The following SAFB2 variants were observed in gnomAD, a reference collection of about 807,000 sequenced individuals.
SAFB2 encodes scaffold attachment factor B2.
Under a neutral mutation model 100.6 loss-of-function variants are expected in SAFB2, and 32 were observed. The observed-to-expected ratio is 0.32, with a 90% CI of 0.24 to 0.43. The LOEUF is 0.43. Among genes scored for constraint, SAFB2 ranks in the 20% least tolerant of loss-of-function variants. The probability of loss-of-function intolerance (pLI) is 1.00; values close to 1 mark genes in which losing one functional copy is unlikely to be tolerated. For missense variants in SAFB2, 1,185 were observed against 1,163.4 expected (o/e 1.02, Z -0.27); for synonymous variants, 500 against 439.4 (o/e 1.14, Z -1.72).
At chr19:5,592,667 C>A (rs777945875) in intron 16 of SAFB2, 80 bp downstream of exon 16, 75 of 1,530,808 alleles carry the variant, frequency 4.9e-5, no homozygotes, top group Non-Finnish European at 6.6e-5. Flanking sequence ...GGAACCCCTG[C>A]ACTGGGCTGA....
chr19:5,616,720 C>T lies in SAFB2; in HGVS notation c.275-234G>A, dbSNP rs561491929. On this transcript the variant is annotated intron_variant, in intron 2 of 20. Coordinates refer to ENST00000252542, the MANE Select transcript of SAFB2 (RefSeq NM_014649.3). ...AGGCTGGAGTGCAGCGGCACAATCTCGGCTCACTGCAATCTCCACCTCCTG... is the reference window on the plus strand; with the variant it reads ...AGGCTGGAGTGCAGCGGCACAATCTTGGCTCACTGCAATCTCCACCTCCTG... Among the ~76,000 whole-genome samples, 15 of 134,440 alleles carry T rather than the reference C, an allele frequency of 1.1e-4. No individual in the cohort carries two copies. In the South Asian group the frequency reaches 3.5e-3, roughly 31 times the overall value. 88.2% of individuals were successfully genotyped at this position (134,440 alleles called of 152,430 possible).
chr19:5,599,572 T>C (rs1225661578), intron 12 of SAFB2, among the ~76,000 whole-genome samples: 1 of 151,588 alleles, frequency 6.6e-6, no homozygotes, highest in Non-Finnish European at 1.5e-5. Context: ...TTCTCTTCCT[T>C]GATGGGGGAG....
chr19:5,609,715 T>C (rs1215036126), intron 9 of SAFB2, among the ~76,000 whole-genome samples: 6 of 152,236 alleles, frequency 3.9e-5, no homozygotes, highest in Non-Finnish European at 7.3e-5. Context: ...TGTTGTGATA[T>C]GACCAACCAC....
intron 17 of SAFB2, chr19:5,591,309 G>C (rs944910803): frequency 1.9e-5 from 2 of 107,674 alleles, no homozygotes; most frequent in African/African-American, 3.9e-5. Context: ...ACGGAGTCTT[G>C]CTCTTGTTGC....
At chr19:5,588,321 T>C (rs1262050292) in intron 18 of SAFB2, among the ~76,000 whole-genome samples, 2 of 152,020 alleles carry the variant, frequency 1.3e-5, no homozygotes, top group Admixed American at 1.3e-4. Flanking sequence ...TGTAAAATGG[T>C]GTGGCCACTG....
At chr19:5,602,039 C>T (rs1365943870) in intron 11 of SAFB2, among the ~76,000 whole-genome samples, 3 of 152,154 alleles carry the variant, frequency 2.0e-5, no homozygotes, top group Non-Finnish European at 4.4e-5. Context: ...TTCTCTATTT[C>T]ACAAGGCCAA....
In SAFB2 at chr19:5,587,193, C is replaced by T. The variant is rs1368110760; in HGVS notation, c.*50G>A. On this transcript the variant is annotated 3_prime_UTR_variant, in exon 21 of 21. Transcript: ENST00000252542. The surrounding 1 kb of genome is among the most constrained non-coding windows in gnomAD (Gnocchi z 4.9). The stretch of plus-strand genomic sequence containing the variant: ...CCCAAGTTCGAGGGAACCCTGGCTA[C>T]CAGATTCAACAGTGCGTCTGCCCAC... 6.3e-7 allele frequency: 1 copy of T among 1,589,026 alleles called. No homozygotes were observed. Among genetic ancestry groups the T allele is most frequent in the Non-Finnish European group, 8.6e-7 (1 of 1,161,188 alleles).
intron 9 of SAFB2, among the ~76,000 whole-genome samples, chr19:5,607,239 C>T (rs554579406): frequency 2.6e-5 from 4 of 152,094 alleles, no homozygotes; most frequent in South Asian, 2.1e-4. Flanking sequence ...CCAGCCTAGG[C>T]GACAGAGCGA....
At chr19:5,617,934 G>A (rs2053066504) in intron 2 of SAFB2, among the ~76,000 whole-genome samples, 1 of 152,130 alleles carries the variant, frequency 6.6e-6, no homozygotes, top group African/African-American at 2.4e-5. Flanking sequence ...TTGAGCCTAG[G>A]AATTAAGAGA....
rs1208364776 is a variant in SAFB2, at chr19:5,593,947, C to T, written c.2151G>A (p.Glu717=). 6.4e-7 allele frequency: 1 copy of T among 1,555,760 alleles called. No individual in the cohort carries two copies. The highest frequency in any genetic ancestry group is 8.6e-7 in the Non-Finnish European group (1 of 1,159,394). ...GCCGCTCCTGCTCGTAACGCAGCTG[C>T]TCCTGCTGGCGCCGCAGCTCCTCGC... ...REREELRRQQ[E]QLRYEQERRP... is the part of the protein sequence containing the mutation. Residue 717 remains glutamate, a synonymous_variant, in exon 15 of 21, where the codon GAG becomes GAA. Transcript: ENST00000252542.
rs2052872280 is a variant in SAFB2, at chr19:5,609,987, A to G, written c.1296+8T>C. 1 of 1,611,166 alleles carries G rather than the reference A, an allele frequency of 6.2e-7. No individual in the cohort carries two copies. Among genetic ancestry groups the G allele is most frequent in the South Asian group, 1.1e-5 (1 of 90,936 alleles). ...ACAGTGGATGGTATGAGGCAAGGGA[A>G]GGCATACCTTCCCATACTTGCTGAA... On this transcript the variant is annotated splice_region_variant and intron_variant, in intron 9 of 20. Coordinates refer to ENST00000252542, the MANE Select transcript of SAFB2 (RefSeq NM_014649.3).
chr19:5,622,168 C>A (rs1468306068), intron 1 of SAFB2, among the ~76,000 whole-genome samples: 1 of 152,216 alleles, frequency 6.6e-6, no homozygotes, highest in Admixed American at 6.5e-5. Context: ...CCGCCAGACA[C>A]CCATTCTCCG....
chr19:5,608,508 G>C (rs1016036812), intron 9 of SAFB2, among the ~76,000 whole-genome samples: 9 of 152,164 alleles, frequency 5.9e-5, no homozygotes, highest in Admixed American at 5.2e-4. Flanking sequence ...ACTGTTCAGA[G>C]AAAAATTGAA....
intron 4 of SAFB2, among the ~76,000 whole-genome samples, chr19:5,614,705 C>G (rs1030488037): frequency 1.3e-5 from 2 of 152,178 alleles, no homozygotes; most frequent in Admixed American, 6.5e-5. Flanking sequence ...AAGATCAGCT[C>G]GAAGACACTG....
intron 12 of SAFB2, 28 bp from the exon 13 acceptor site, chr19:5,598,912 A>G: frequency 6.2e-7 from 1 of 1,609,916 alleles, no homozygotes; most frequent in Middle Eastern, 1.7e-4. Context: ...ACAAACTATC[A>G]AAACCTGTGG....
rs150629471 is a variant in SAFB2 at position 5,597,432 on chromosome 19, A to G, written c.1782+1361T>C. On this transcript the variant is annotated intron_variant, in intron 13 of 20. Coordinates refer to ENST00000252542, the MANE Select transcript of SAFB2 (RefSeq NM_014649.3). ...AAATATCATGCATAAAATAAAAAAT[A>G]TATGTAAAAGCGAAAAGAAAAAAAA... is the stretch of plus-strand genomic sequence containing the variant. Among the ~76,000 whole-genome samples, 125 of 152,234 alleles carry G rather than the reference A, an allele frequency of 8.2e-4. 1 individual carries two copies. The highest frequency in any genetic ancestry group is 2.9e-3 in the African/African-American group (121 of 41,514).
intron 8 of SAFB2, chr19:5,610,418 T>C (rs1031532869): frequency 3.4e-6 from 2 of 596,212 alleles, no homozygotes; most frequent in African/African-American, 1.9e-5. Flanking sequence ...TTTCTTGTAA[T>C]GTGCTTTTCA....
intron 11 of SAFB2, among the ~76,000 whole-genome samples, chr19:5,601,264 C>T (rs565706109): frequency 1.3e-5 from 2 of 152,196 alleles, no homozygotes; most frequent in Admixed American, 6.5e-5. Flanking sequence ...CTCATCCCTG[C>T]GACAACCACC....
In SAFB2 at chr19:5,611,395, C is replaced by T. The variant is rs546277134; in HGVS notation, c.870G>A (p.Ala290=). 259 of 352,408 alleles carry T rather than the reference C, an allele frequency of 7.3e-4. 5 individuals are homozygous for T. In the African/African-American group the frequency reaches 0.019, roughly 26 times the overall value. The allele number at this position is 352,408 out of a possible 1,614,324, so 21.8% of individuals were successfully genotyped here. The change falls in exon 7 of 21, where the codon GCG becomes GCA. Residue 290 remains alanine (A), a synonymous_variant. Transcript: ENST00000252542. Reference sequence around the variant, plus strand: ...GCTCCGCGGGCTCCCTTTTCACTACCGCTAACAGGCTGTCTGCCTTGCTCG... The same window carrying T: ...GCTCCGCGGGCTCCCTTTTCACTACTGCTAACAGGCTGTCTGCCTTGCTCG... ...AQSSKADSLL[A]VVKREPAEQP...
Sources: gnomAD v4.1 joint callset for allele counts (sites outside exome capture counted in the v4.1 genomes callset) on GRCh38, gnomAD v4.1.1 for gene constraint, Gnocchi (gnomAD v3.1) non-coding constraint, MANE v1.5 for transcripts, NCBI Gene and HGNC (gene_info 2026-07-23, HGNC 2026-07-21) for gene names.